Variants in FSTL5 observed in about 807,000 individuals in gnomAD.
The protein encoded by FSTL5 is follistatin-related protein 5.
FSTL5 carries 62 observed loss-of-function variants against 89.1 expected under a neutral mutation model. That is an observed-to-expected ratio of 0.70 (90% CI 0.57 to 0.86). The LOEUF (loss-of-function observed/expected upper bound fraction) is 0.86. FSTL5 is among the 40% of genes least tolerant of loss of function. FSTL5 has a pLI of 0.00. For synonymous variants in FSTL5, 383 were observed against 346.2 expected (o/e 1.11, Z -1.18); for missense variants, 1,057 against 1,001.6 (o/e 1.06, Z -0.75).
intron 12 of FSTL5, among the ~76,000 whole-genome samples, chr4:161,495,720 A>T (rs1416911779): frequency 1.3e-5 from 2 of 152,120 alleles, no homozygotes; most frequent in African/African-American, 4.8e-5. Flanking sequence ...AACTTTACTG[A>T]TCAATGAGTT....
At chr4:161,798,236 C>T (rs1319780440) in intron 4 of FSTL5, among the ~76,000 whole-genome samples, 6 of 151,622 alleles carry the variant, frequency 4.0e-5, no homozygotes, top group Admixed American at 2.0e-4. Flanking sequence ...TACTTTCCAG[C>T]TTGCCAAGGG....
intron 3 of FSTL5, among the ~76,000 whole-genome samples, chr4:161,930,758 C>A (rs184141003): frequency 9.1e-4 from 139 of 151,914 alleles, no homozygotes; most frequent in Middle Eastern, 3.4e-3. Context: ...TGTTTTAAAT[C>A]CATTTCATAA....
intron 7 of FSTL5, among the ~76,000 whole-genome samples, chr4:161,602,437 G>T (rs188395738): frequency 1.3e-5 from 2 of 151,802 alleles, no homozygotes; most frequent in Admixed American, 1.3e-4. Context: ...ATAGAACAGG[G>T]TATCCAAAAG....
At chr4:161,895,188 C>T (rs1436641330) in intron 4 of FSTL5, among the ~76,000 whole-genome samples, 1 of 152,072 alleles carries the variant, frequency 6.6e-6, no homozygotes, top group African/African-American at 2.4e-5. Context: ...CTCTCGTGCC[C>T]CTTGTTTTAG....
chr4:161,428,021 C>T (rs988123747), intron 15 of FSTL5, among the ~76,000 whole-genome samples: 1 of 152,164 alleles, frequency 6.6e-6, no homozygotes, highest in African/African-American at 2.4e-5. Flanking sequence ...CAGCTCCTCC[C>T]TCATCCCTCA....
At chr4:161,828,937 T>C (rs952691370) in intron 4 of FSTL5, among the ~76,000 whole-genome samples, 2 of 151,966 alleles carry the variant, frequency 1.3e-5, no homozygotes, top group Non-Finnish European at 2.9e-5. Context: ...AAAGAAGTTT[T>C]TTTCCAAGGC....
At chr4:161,801,000 T>C (rs1729774001) in intron 4 of FSTL5, among the ~76,000 whole-genome samples, 1 of 151,526 alleles carries the variant, frequency 6.6e-6, no homozygotes, top group Non-Finnish European at 1.5e-5. Context: ...CTAGGAACCA[T>C]GACAAAATAA....
intron 4 of FSTL5, among the ~76,000 whole-genome samples, chr4:161,825,344 G>A (rs956141904): frequency 5.9e-5 from 9 of 152,182 alleles, no homozygotes; most frequent in African/African-American, 1.7e-4. Context: ...ATATTGGTCT[G>A]TAGTTTTCTT....
chr4:161,519,499 C>A (rs1411822588), intron 10 of FSTL5, among the ~76,000 whole-genome samples: 1 of 152,024 alleles, frequency 6.6e-6, no homozygotes, highest in Non-Finnish European at 1.5e-5. Context: ...GCACTCCAGC[C>A]TGGGCGACAG....
At chr4:161,757,073 T>C (rs1740595583) in intron 6 of FSTL5, among the ~76,000 whole-genome samples, 1 of 152,130 alleles carries the variant, frequency 6.6e-6, no homozygotes, top group Admixed American at 6.5e-5. Context: ...AAATTTCAGG[T>C]TGCAACAGAT....
At chr4:161,908,612 T>C (rs902856644) in intron 4 of FSTL5, among the ~76,000 whole-genome samples, 7 of 152,244 alleles carry the variant, frequency 4.6e-5, no homozygotes, top group South Asian at 2.1e-4. Context: ...AAATATCACA[T>C]TGGCTAAGTC....
At chr4:161,526,004 G>A (rs575008397) in intron 10 of FSTL5, among the ~76,000 whole-genome samples, 23 of 152,060 alleles carry the variant, frequency 1.5e-4, no homozygotes, top group Admixed American at 3.3e-4. Context: ...CTAGTTTTGT[G>A]GGGGTTGACT....
intron 3 of FSTL5, among the ~76,000 whole-genome samples, chr4:161,930,485 A>C (rs1195021599): frequency 2.0e-5 from 3 of 151,306 alleles, no homozygotes; most frequent in Admixed American, 6.6e-5. Context: ...TAAAAATATT[A>C]TATCAGTCAT....
At chr4:161,831,615 A>C in intron 4 of FSTL5, among the ~76,000 whole-genome samples, 1 of 151,946 alleles carries the variant, frequency 6.6e-6, no homozygotes, top group East Asian at 1.9e-4. Flanking sequence ...AGATTAAATA[A>C]ATTTCAATTT....
At position 161,779,700 on chromosome 4, in the gene FSTL5, A is replaced by G. The variant is rs751922444; in HGVS notation, c.410-3626T>C. ...GTTTTTCTTTTTAACTATTTTATTT[A>G]ATAGCTAAAATTAAATATTTCATGA... is the stretch of plus-strand genomic sequence containing the variant. On this transcript the variant is annotated intron_variant, in intron 4 of 15. Coordinates refer to ENST00000306100, the MANE Select transcript of FSTL5 (RefSeq NM_020116.5). 1.4e-3 allele frequency among the ~76,000 whole-genome samples: 204 copies of G among 145,442 alleles called. 2 individuals carry two copies. Among genetic ancestry groups the G allele is most frequent in the Middle Eastern group, 7.5e-3 (2 of 268 alleles).
At chr4:161,877,139 G>A (rs911195463) in intron 4 of FSTL5, among the ~76,000 whole-genome samples, 6 of 146,954 alleles carry the variant, frequency 4.1e-5, no homozygotes, top group Non-Finnish European at 6.0e-5. Context: ...AGCCGAGATC[G>A]CGCCCTTGCA....
intron 2 of FSTL5, among the ~76,000 whole-genome samples, chr4:162,061,090 T>C (rs889872033): frequency 6.6e-6 from 1 of 152,144 alleles, no homozygotes; most frequent in Non-Finnish European, 1.5e-5. Context: ...TTTTGCTTTC[T>C]TCCTTCTTTA....
chr4:161,854,062 A>G (rs1316926052), intron 4 of FSTL5, among the ~76,000 whole-genome samples: 1 of 152,186 alleles, frequency 6.6e-6, no homozygotes, highest in Non-Finnish European at 1.5e-5. Context: ...ATCATAACCT[A>G]TATATATTGC....
chr4:161,632,420 A>T lies in FSTL5; in HGVS notation c.894+23908T>A, dbSNP rs74850680. ...ACAAAACAAAAAGAGAGAAAAATAG[A>T]TTCAAGTTAACATGGGGGCAATAAT... On this transcript the variant is annotated intron_variant, in intron 7 of 15. Coordinates refer to ENST00000306100, the MANE Select transcript of FSTL5 (RefSeq NM_020116.5). Among the ~76,000 whole-genome samples the T allele has an allele frequency of 4.4e-4, 67 of 152,268 alleles. 2 individuals carry two copies. In the East Asian group the frequency reaches 0.01, roughly 24 times the overall value.
Sources: gnomAD v4.1 joint callset for allele counts (sites outside exome capture counted in the v4.1 genomes callset) on GRCh38, gnomAD v4.1.1 for gene constraint, MANE v1.5 for transcripts, NCBI Gene and HGNC (gene_info 2026-07-23, HGNC 2026-07-21) for gene names.